Variants in NME7 observed in about 807,000 individuals in gnomAD.
NME7 encodes nucleoside diphosphate kinase 7.
NME7 carries 41 observed loss-of-function variants against 49.1 expected under a neutral mutation model. That is an observed-to-expected ratio of 0.83 (90% confidence interval 0.65 to 1.08). NME7 has a LOEUF of 1.08. Among genes scored for constraint, NME7 ranks in the 50% least tolerant of loss-of-function variants. NME7 has a pLI of 0.00. For missense variants in NME7, 423 were observed against 463.4 expected (o/e 0.91, Z 0.80); for synonymous variants, 139 against 150.6 (o/e 0.92, Z 0.56).
At chr1:169,241,841 T>C (rs975571302) in intron 7 of NME7, among the ~76,000 whole-genome samples, 1 of 151,952 alleles carries the variant, frequency 6.6e-6, no homozygotes, top group Admixed American at 6.5e-5. Context: ...TTTATAAAAC[T>C]AGTATTATCC....
intron 11 of NME7, among the ~76,000 whole-genome samples, chr1:169,134,966 G>C (rs1442110172): frequency 7.8e-6 from 1 of 127,674 alleles, no homozygotes; most frequent in Non-Finnish European, 1.6e-5. Context: ...CTTGAGCCCA[G>C]GAGTTCAAGA....
At chr1:169,320,938 G>A (rs540698910) in intron 3 of NME7, among the ~76,000 whole-genome samples, 2 of 152,080 alleles carry the variant, frequency 1.3e-5, no homozygotes, top group African/African-American at 4.8e-5. Context: ...AACAAAACAC[G>A]GTTTTCTGGT....
At chr1:169,313,600 A>T (rs1449326996) in intron 3 of NME7, among the ~76,000 whole-genome samples, 1 of 152,166 alleles carries the variant, frequency 6.6e-6, no homozygotes, top group Non-Finnish European at 1.5e-5. Flanking sequence ...TGCATATCTC[A>T]CATATATTAT....
At chr1:169,190,315 T>A (rs1376579213) in intron 10 of NME7, among the ~76,000 whole-genome samples, 1 of 151,744 alleles carries the variant, frequency 6.6e-6, no homozygotes, top group East Asian at 1.9e-4. Flanking sequence ...GACCACAATA[T>A]ATTTTTTAAT....
At chr1:169,218,659 A>T (rs1426562779) in intron 10 of NME7, among the ~76,000 whole-genome samples, 4 of 118,176 alleles carry the variant, frequency 3.4e-5, no homozygotes, top group South Asian at 2.7e-4. Flanking sequence ...CCAATTTTGA[A>T]TTTTTTTTTT....
At chr1:169,226,511 T>C (rs1210229298) in intron 10 of NME7, among the ~76,000 whole-genome samples, 1 of 151,986 alleles carries the variant, frequency 6.6e-6, no homozygotes, top group African/African-American at 2.4e-5. Flanking sequence ...CATAGCTTGA[T>C]TGTAACTACT....
chr1:169,241,382 A>G (rs1161620329), intron 7 of NME7, among the ~76,000 whole-genome samples: 2 of 152,046 alleles, frequency 1.3e-5, no homozygotes, highest in Non-Finnish European at 2.9e-5. Context: ...ATGACAACAC[A>G]TTAAAAAAGG....
At position 169,170,314 on chromosome 1, in the gene NME7, T is replaced by C. The variant is rs560458306; in HGVS notation, c.991-760A>G. ...ACAACAGATTGAGAGGCCAAGGTCG[T>C]AAGTGGGTCACCTCTATGAAAGTGG... On this transcript the variant is annotated intron_variant, in intron 10 of 11. Coordinates refer to ENST00000367811, the MANE Select transcript of NME7 (RefSeq NM_013330.5). 3.9e-5 allele frequency among the ~76,000 whole-genome samples: 6 copies of C among 152,286 alleles called. No homozygotes were observed. The East Asian group carries it at 1.2e-3, about 29-fold the overall frequency.
intron 1 of NME7, among the ~76,000 whole-genome samples, chr1:169,359,783 T>A (rs1462515009): frequency 6.6e-6 from 1 of 152,064 alleles, no homozygotes; most frequent in Non-Finnish European, 1.5e-5. Flanking sequence ...TATGTGTGCA[T>A]ATGAAGATAC....
chr1:169,360,042 G>C (rs1235966383), intron 1 of NME7, among the ~76,000 whole-genome samples: 2 of 152,280 alleles, frequency 1.3e-5, no homozygotes, highest in East Asian at 3.9e-4. Flanking sequence ...GGGAATGCTG[G>C]AGATACTTCT....
At chr1:169,134,645 C>A (rs1344997096) in intron 11 of NME7, among the ~76,000 whole-genome samples, 3 of 152,108 alleles carry the variant, frequency 2.0e-5, no homozygotes. Context: ...GTGTCAGAAG[C>A]TTTGCCATAA....
intron 1 of NME7, among the ~76,000 whole-genome samples, chr1:169,351,049 GACCAATACAC>G (rs1365975213): frequency 6.6e-6 from 1 of 150,634 alleles, no homozygotes. Flanking sequence ...TTTCCATTGG[GACCAATACAC>G]ACCCACACCC....
intron 7 of NME7, among the ~76,000 whole-genome samples, chr1:169,279,639 C>G (rs1649916722): frequency 2.0e-5 from 3 of 152,220 alleles, no homozygotes; most frequent in African/African-American, 7.2e-5. Flanking sequence ...CTTGCACTTC[C>G]CGAGTGAGGC....
At chr1:169,249,000 G>GT (rs1489924631) in intron 7 of NME7, among the ~76,000 whole-genome samples, 4 of 151,912 alleles carry the variant, frequency 2.6e-5, no homozygotes, top group African/African-American at 9.7e-5. Flanking sequence ...TTTTAGAATT[G>GT]TTTTTTCTAA....
chr1:169,356,833 T>C (rs1385920144), intron 1 of NME7, among the ~76,000 whole-genome samples: 1 of 152,174 alleles, frequency 6.6e-6, no homozygotes, highest in Non-Finnish European at 1.5e-5. Context: ...GACATTAATA[T>C]GCATAAGTTT....
chr1:169,328,360 T>C (rs1273529513), intron 1 of NME7, among the ~76,000 whole-genome samples: 1 of 152,162 alleles, frequency 6.6e-6, no homozygotes, highest in Non-Finnish European at 1.5e-5. Context: ...GCACTTAGGA[T>C]TTCTGTTGCC....
chr1:169,349,124 A>G (rs1346188070), intron 1 of NME7, among the ~76,000 whole-genome samples: 1 of 151,942 alleles, frequency 6.6e-6, no homozygotes, highest in East Asian at 1.9e-4. Context: ...TTTTTTAAAG[A>G]ATAAGTTAAT....
chr1:169,288,493 A>T (rs1056650733), intron 6 of NME7, among the ~76,000 whole-genome samples: 1 of 152,170 alleles, frequency 6.6e-6, no homozygotes, highest in Non-Finnish European at 1.5e-5. Flanking sequence ...AAAAAAATCC[A>T]CATATAAGTA....
chr1:169,303,005 T>C, intron 5 of NME7, 140 bp downstream of exon 5: 2 of 484,358 alleles, frequency 4.1e-6, no homozygotes, highest in East Asian at 3.7e-5. Context: ...ATATAATTCT[T>C]AGAATTCTGT....
Sources: allele counts gnomAD v4.1 joint callset (sites outside exome capture counted in the v4.1 genomes callset), GRCh38; gene constraint gnomAD v4.1.1; transcripts MANE v1.5; gene names NCBI Gene and HGNC (gene_info 2026-07-23, HGNC 2026-07-21).